BACE1: variants seen among roughly 807,000 people sequenced by gnomAD.
BACE1 encodes beta-secretase 1.
Under a neutral mutation model 54.0 loss-of-function variants are expected in BACE1, and 21 were observed. The observed-to-expected ratio is 0.39, with a 90% CI of 0.28 to 0.56. BACE1 has a LOEUF of 0.56. BACE1 is among the 20% of genes least tolerant of loss of function. BACE1 has a pLI of 0.63. For synonymous variants in BACE1, 232 were observed against 260.9 expected, an observed-to-expected ratio of 0.89 and a Z score of 1.07; for missense variants, 511 against 661.2, an observed-to-expected ratio of 0.77 and a Z score of 2.49.
At position 117,293,320 on chromosome 11, in the gene BACE1, G is replaced by C. The variant is rs767589321; in HGVS notation, c.706-132C>G. 309 of 884,912 alleles carry C rather than the reference G, an allele frequency of 3.5e-4. 1 individual carries two copies. Among genetic ancestry groups the C allele is most frequent in the Admixed American group, 5.1e-4 (16 of 31,422 alleles). The allele number at this position is 884,912 out of a possible 1,614,324, so 54.8% of individuals were successfully genotyped here. On this transcript the variant is annotated intron_variant, in intron 4 of 8. Coordinates refer to ENST00000313005, the MANE Select transcript of BACE1 (RefSeq NM_012104.6). The surrounding 1 kb of genome is among the most constrained non-coding windows in gnomAD (Gnocchi z 4.1). ...TACAGGCTACCCTTTTCATCTTCCTGCTTCTAAACAAATCATACCCAAAGT... is the reference window on the plus strand; with the variant it reads ...TACAGGCTACCCTTTTCATCTTCCTCCTTCTAAACAAATCATACCCAAAGT...
chr11:117,312,003 C>A (rs2034952742), intron 1 of BACE1, among the ~76,000 whole-genome samples: 1 of 152,208 alleles, frequency 6.6e-6, no homozygotes, highest in South Asian at 2.1e-4. Context: ...CATTCCCCTG[C>A]CCCAATAAAT....
intron 6 of BACE1, among the ~76,000 whole-genome samples, chr11:117,291,509 C>G (rs2034434214): frequency 6.6e-6 from 1 of 152,018 alleles, no homozygotes; most frequent in Non-Finnish European, 1.5e-5. Context: ...AACTCCTGAC[C>G]TAGTGATCTG....
intron 1 of BACE1, among the ~76,000 whole-genome samples, chr11:117,305,502 G>C (rs1235685394): frequency 6.6e-6 from 1 of 151,920 alleles, no homozygotes; most frequent in African/African-American, 2.4e-5. Context: ...CTGGGAGCAA[G>C]CAGGCTCCCT....
intron 1 of BACE1, among the ~76,000 whole-genome samples, chr11:117,308,920 C>T (rs1264144480): frequency 2.0e-5 from 3 of 152,188 alleles, no homozygotes; most frequent in Admixed American, 2.0e-4. Flanking sequence ...CCACTGCACT[C>T]CAGCCTGGGT....
rs142581949 is a variant in BACE1 at position 117,289,719 on chromosome 11, A to T, written c.1353T>A (p.Asp451Glu). 2.0e-4 allele frequency: 324 copies of T among 1,614,108 alleles called. No individual in the cohort carries two copies. The highest frequency in any genetic ancestry group is 2.3e-4 in the Non-Finnish European group (275 of 1,180,048). Residue 451 changes from aspartate (D) to glutamate (E), a missense_variant, in exon 9 of 9, where the codon GAT becomes GAA. Asp to Glu is a conservative substitution (Grantham distance 45, BLOSUM62 2). Coordinates refer to ENST00000313005, the MANE Select transcript of BACE1 (RefSeq NM_012104.6). The stretch of plus-strand genomic sequence containing the variant: ...AGGCTATGGTCATGAGGGTTGACTC[A>T]TCTGTCTGTGGAATGTTGTAGCCAC... ...EDCGYNIPQT[D>E]ESTLMTIAYV...
intron 1 of BACE1, among the ~76,000 whole-genome samples, chr11:117,300,440 C>G (rs2034699201): frequency 6.6e-6 from 1 of 151,710 alleles, no homozygotes; most frequent in Non-Finnish European, 1.5e-5. Flanking sequence ...TTCCCCACCC[C>G]TGCTCCATTC....
At chr11:117,299,165 C>G (rs2034666393) in intron 1 of BACE1, among the ~76,000 whole-genome samples, 1 of 152,088 alleles carries the variant, frequency 6.6e-6, no homozygotes. Context: ...TCAGTCAGAC[C>G]AGAGCCATTT....
At chr11:117,295,641 G>A in intron 2 of BACE1, 1 of 1,411,916 alleles carries the variant, frequency 7.1e-7, no homozygotes, top group Non-Finnish European at 9.4e-7. Flanking sequence ...CATTGTGCCT[G>A]CTGCTGCTGC....
intron 1 of BACE1, among the ~76,000 whole-genome samples, chr11:117,301,157 A>G (rs765338237): frequency 6.6e-6 from 1 of 152,026 alleles, no homozygotes; most frequent in Non-Finnish European, 1.5e-5. Context: ...TCCTTTCTCA[A>G]GGCTTGAGCT....
intron 1 of BACE1, among the ~76,000 whole-genome samples, chr11:117,312,120 T>C (rs2034955555): frequency 6.6e-6 from 1 of 152,150 alleles, no homozygotes; most frequent in Admixed American, 6.5e-5. Context: ...TATCTGGTCT[T>C]AGCCTAAACC....
intron 1 of BACE1, among the ~76,000 whole-genome samples, chr11:117,301,434 C>CAAA (rs1197137392): frequency 2.0e-5 from 3 of 152,078 alleles, no homozygotes; most frequent in African/African-American, 7.2e-5. Flanking sequence ...CACACACCTC[C>CAAA]ATGTCTACAA....
intron 5 of BACE1, 148 bp downstream of exon 5, chr11:117,292,906 A>T: frequency 1.1e-6 from 1 of 904,306 alleles, no homozygotes; most frequent in Non-Finnish European, 1.7e-6. Context: ...GTGACCATTA[A>T]GCCCCTGACT....
chr11:117,296,395 C>A (rs554921208), intron 2 of BACE1, among the ~76,000 whole-genome samples: 7 of 152,228 alleles, frequency 4.6e-5, no homozygotes, highest in Admixed American at 3.9e-4. Context: ...ATGAAAGACC[C>A]TTTCCTTCAT....
In BACE1 at chr11:117,315,033, A is replaced by C. The variant is rs2035058416; in HGVS notation, c.261+502T>G. Among the ~76,000 whole-genome samples the C allele has an allele frequency of 6.6e-6, 1 of 152,188 alleles. No homozygotes were observed. Among genetic ancestry groups the C allele is most frequent in the Non-Finnish European group, 1.5e-5 (1 of 68,024 alleles). On this transcript the variant is annotated intron_variant, in intron 1 of 8. Transcript: ENST00000313005. This position sits in a 1 kb window ranked among gnomAD's most constrained non-coding sequence, Gnocchi z 5.5. ...CTCGACAACCTCACTTTGCCGTACC[A>C]GTGGCAGCCCAGATGGTGGGAGCAA...
chr11:117,293,039 C>G lies in BACE1; in HGVS notation c.840+15G>C. 1.9e-6 allele frequency: 3 copies of G among 1,613,394 alleles called. No individual in the cohort carries two copies. Among genetic ancestry groups the G allele is most frequent in the Non-Finnish European group, 2.5e-6 (3 of 1,179,666 alleles). ...TACCCCCTTATGTTCCCAGGCTCTCCCTTGGTTTTCTTACCTCCTTGCAGT... is the reference window on the plus strand; with the variant it reads ...TACCCCCTTATGTTCCCAGGCTCTCGCTTGGTTTTCTTACCTCCTTGCAGT... On this transcript the variant is annotated intron_variant, in intron 5 of 8. Transcript: ENST00000313005. The surrounding 1 kb of genome is among the most constrained non-coding windows in gnomAD (Gnocchi z 4.1).
chr11:117,295,110 G>A (rs766200393), intron 3 of BACE1, 21 bp downstream of exon 3: 2 of 1,607,358 alleles, frequency 1.2e-6, no homozygotes, highest in African/African-American at 1.3e-5. Context: ...AGTGTGTAGG[G>A]CCAAGCCCTG....
intron 1 of BACE1, among the ~76,000 whole-genome samples, chr11:117,312,619 T>G (rs750058091): frequency 1.6e-4 from 24 of 152,116 alleles, no homozygotes; most frequent in South Asian, 6.2e-4. Context: ...CCTGCCACCA[T>G]GCCCAGATAA....
chr11:117,299,052 T>C (rs1009615704), intron 1 of BACE1, among the ~76,000 whole-genome samples: 3 of 152,124 alleles, frequency 2.0e-5, no homozygotes, highest in Non-Finnish European at 4.4e-5. Context: ...GTGATCCACC[T>C]GCCTCGGCCT....
At chr11:117,292,938 C>A (rs1455336259) in intron 5 of BACE1, 116 bp downstream of exon 5, 2 of 1,298,766 alleles carry the variant, frequency 1.5e-6, no homozygotes, top group East Asian at 2.4e-5. Context: ...AACTTCCAAC[C>A]CTTTCTGCAG....
Sources: gnomAD v4.1 joint callset for allele counts (sites outside exome capture counted in the v4.1 genomes callset) on GRCh38, gnomAD v4.1.1 for gene constraint, Gnocchi (gnomAD v3.1) non-coding constraint, MANE v1.5 for transcripts, NCBI Gene and HGNC (gene_info 2026-07-23, HGNC 2026-07-21) for gene names.